The following TEN1 variants were observed in gnomAD, a reference collection of about 807,000 sequenced individuals.
TEN1 encodes CST complex subunit TEN1.
In TEN1, 6 loss-of-function variants were observed where a neutral mutation model predicts 9.3. The observed-to-expected ratio is 0.65, with a 90% CI of 0.35 to 1.27. The LOEUF (loss-of-function observed/expected upper bound fraction) is 1.27. TEN1 is among the 50% of genes most tolerant of loss of function. The probability of loss-of-function intolerance (pLI) is 0.03; values close to 1 mark genes in which losing one functional copy is unlikely to be tolerated. For missense variants in TEN1, 149 were observed against 158.2 expected, an observed-to-expected ratio of 0.94 and a Z score of 0.31; for synonymous variants, 65 against 65.6, an observed-to-expected ratio of 0.99 and a Z score of 0.04.
chr17:75,994,418 G>A lies in TEN1; in HGVS notation c.250+2795G>A, dbSNP rs548003094. On this transcript the variant is annotated intron_variant, in intron 3 of 3. Coordinates refer to ENST00000397640, the MANE Select transcript of TEN1 (RefSeq NM_001113324.3). ...CATTGCACTCCAGCCTGGGCAACAA[G>A]AGCAAAACTCCGTCTCAAAAAAAAA... Among the ~76,000 whole-genome samples the A allele has an allele frequency of 9.6e-5, 14 of 145,652 alleles. No individual in the cohort carries two copies. In the South Asian group the frequency reaches 2.4e-3, roughly 25 times the overall value.
rs533216417 is a variant in TEN1, at chr17:75,994,382, C to T, written c.250+2759C>T. On this transcript the variant is annotated intron_variant, in intron 3 of 3. Transcript: ENST00000397640. ...CCGGGAGGCGGAGGTTGCTGTGAGC[C>T]GAGATCGCACCATTGCACTCCAGCC... 1.5e-3 allele frequency among the ~76,000 whole-genome samples: 215 copies of T among 146,100 alleles called. 1 individual carries two copies. The highest frequency in any genetic ancestry group is 3.5e-3 in the Middle Eastern group (1 of 282).
In TEN1 at chr17:75,982,107, AATT is replaced by A. The variant is rs1220594304; in HGVS notation, c.-7+2599_-7+2601del. 5.3e-5 allele frequency among the ~76,000 whole-genome samples: 8 copies of A among 152,152 alleles called. No homozygotes were observed. The East Asian group carries it at 1.5e-3, about 29-fold the overall frequency. On this transcript the variant is annotated intron_variant, in intron 1 of 3. Coordinates refer to ENST00000397640, the MANE Select transcript of TEN1 (RefSeq NM_001113324.3). ...TTGGTGTAAAAACTGGCCAAAAAGA[AATT>A]ATCTGACCTAGCTTGTTTGACTGTA...
intron 1 of TEN1, among the ~76,000 whole-genome samples, chr17:75,985,836 CTTTTTTTTTT>C (rs1358134352): frequency 1.4e-5 from 2 of 145,576 alleles, no homozygotes; most frequent in Non-Finnish European, 3.0e-5. Flanking sequence ...GTTTTTTTTT[CTTTTTTTTTT>C]AATACATGAA....
In TEN1 at chr17:75,979,426, G is replaced by A. The variant is rs1053888110; in HGVS notation, c.-92G>A. On this transcript the variant is annotated 5_prime_UTR_variant, in exon 1 of 4. Transcript: ENST00000397640. ...GGCGTCCGGGGAGTGGGAAAATAAAGCACTTTTTGTATCCCGCCCCTCCCC... is the reference window on the plus strand; with the variant it reads ...GGCGTCCGGGGAGTGGGAAAATAAAACACTTTTTGTATCCCGCCCCTCCCC... The A allele has an allele frequency of 2.4e-6, 1 of 413,862 alleles. No individual in the cohort carries two copies. Among genetic ancestry groups the A allele is most frequent in the Non-Finnish European group, 4.5e-6 (1 of 220,612 alleles). 25.6% of individuals were successfully genotyped at this position (413,862 alleles called of 1,614,324 possible).
intron 2 of TEN1, among the ~76,000 whole-genome samples, chr17:75,988,835 A>G (rs980264095): frequency 3.3e-5 from 5 of 151,938 alleles, no homozygotes; most frequent in African/African-American, 1.2e-4. Context: ...CAGTGGTGCA[A>G]TCTCGGCTCA....
At chr17:75,988,566 A>C (rs2066166114) in intron 2 of TEN1, among the ~76,000 whole-genome samples, 2 of 139,014 alleles carry the variant, frequency 1.4e-5, no homozygotes, top group Admixed American at 6.9e-5. Context: ...TGCCTCAAAA[A>C]AAAAAAAAAA....
chr17:75,984,366 A>G (rs1006415472), intron 1 of TEN1, among the ~76,000 whole-genome samples: 39 of 152,110 alleles, frequency 2.6e-4, no homozygotes, highest in African/African-American at 9.4e-4. Flanking sequence ...AAATCTGTGC[A>G]CTGTCTCTTG....
At chr17:75,986,576 C>T (rs1416224250) in intron 2 of TEN1, among the ~76,000 whole-genome samples, 1 of 151,940 alleles carries the variant, frequency 6.6e-6, no homozygotes, top group Non-Finnish European at 1.5e-5. Context: ...TGGCGCATGC[C>T]TATAATCCCA....
At chr17:75,985,630 T>C (rs2066146866) in intron 1 of TEN1, among the ~76,000 whole-genome samples, 1 of 152,198 alleles carries the variant, frequency 6.6e-6, no homozygotes, top group Non-Finnish European at 1.5e-5. Flanking sequence ...GTTCAAGCTA[T>C]TCTCCTGCCT....
At chr17:75,999,988 T>G (rs1005064780) in intron 3 of TEN1, among the ~76,000 whole-genome samples, 153 bp from the exon 4 acceptor site, 1 of 152,094 alleles carries the variant, frequency 6.6e-6, no homozygotes, top group Non-Finnish European at 1.5e-5. Context: ...GCCCAAATAC[T>G]CAGTTGCCTT....
chr17:75,997,520 A>C (rs1397279184), intron 3 of TEN1, among the ~76,000 whole-genome samples: 1 of 151,862 alleles, frequency 6.6e-6, no homozygotes, highest in Non-Finnish European at 1.5e-5. Flanking sequence ...ACGGCCACCG[A>C]CCATCAGACA....
chr17:75,990,596 G>A (rs2066178853), intron 2 of TEN1, among the ~76,000 whole-genome samples: 1 of 151,278 alleles, frequency 6.6e-6, no homozygotes, highest in Non-Finnish European at 1.5e-5. Flanking sequence ...CACTTTGGGA[G>A]GCTGAGGCAG....
Position 75,997,787 on chromosome 17 carries a change from C to A in TEN1, c.251-2354C>A, listed in dbSNP as rs181608142. ...CGTATAACCCCTTCCTCTTCCCAGG[C>A]CTCACCCCACTGCATTCTGACTGCT... is the stretch of plus-strand genomic sequence containing the variant. On this transcript the variant is annotated intron_variant, in intron 3 of 3. Coordinates refer to ENST00000397640, the MANE Select transcript of TEN1 (RefSeq NM_001113324.3). Among the ~76,000 whole-genome samples the A allele has an allele frequency of 2.1e-3, 322 of 152,246 alleles. 1 individual carries two copies. Among genetic ancestry groups the A allele is most frequent in the African/African-American group, 7.2e-3 (300 of 41,556 alleles).
chr17:75,995,249 A>G (rs1473776758), intron 3 of TEN1, among the ~76,000 whole-genome samples: 1 of 151,054 alleles, frequency 6.6e-6, no homozygotes, highest in African/African-American at 2.4e-5. Context: ...AAAAAAGTCC[A>G]GGTGTGGTTG....
chr17:75,982,652 A>G (rs1336609684), intron 1 of TEN1, among the ~76,000 whole-genome samples: 1 of 152,198 alleles, frequency 6.6e-6, no homozygotes, highest in Non-Finnish European at 1.5e-5. Context: ...TGGCGCAACC[A>G]TAGTTCACTG....
At chr17:75,989,257 G>A (rs866460833) in intron 2 of TEN1, among the ~76,000 whole-genome samples, 14 of 148,584 alleles carry the variant, frequency 9.4e-5, no homozygotes, top group Admixed American at 2.7e-4. Context: ...CTGCCACCAC[G>A]CCCGGCTAAT....
Position 76,000,035 on chromosome 17 carries a change from C to G in TEN1, c.251-106C>G. ...CTGTTATTGTCCACATCACTTGCTG[C>G]CAAAACCCAGGACTGAGCTGTGGAG... is the stretch of plus-strand genomic sequence containing the variant. On this transcript the variant is annotated intron_variant, in intron 3 of 3. Coordinates refer to ENST00000397640, the MANE Select transcript of TEN1 (RefSeq NM_001113324.3). This position sits in a 1 kb window ranked among gnomAD's most constrained non-coding sequence, Gnocchi z 5.9. The G allele has an allele frequency of 2.7e-6, 4 of 1,464,752 alleles. No homozygotes were observed. Among genetic ancestry groups the G allele is most frequent in the Non-Finnish European group, 3.6e-6 (4 of 1,099,678 alleles). The allele number at this position is 1,464,752 out of a possible 1,614,324, so 90.7% of individuals were successfully genotyped here.
intron 2 of TEN1, 94 bp from the exon 3 acceptor site, chr17:75,991,372 A>G: frequency 7.4e-7 from 1 of 1,342,794 alleles, no homozygotes; most frequent in Non-Finnish European, 1.0e-6. Flanking sequence ...GAGGCTGAAC[A>G]CTTTTCTATA....
chr17:75,997,366 G>A (rs750598491), intron 3 of TEN1, among the ~76,000 whole-genome samples: 8 of 151,820 alleles, frequency 5.3e-5, no homozygotes, highest in South Asian at 2.1e-4. Context: ...CCTCCCCGGC[G>A]CCACCACAGC....
Sources: allele counts gnomAD v4.1 joint callset (sites outside exome capture counted in the v4.1 genomes callset), GRCh38; gene constraint gnomAD v4.1.1; non-coding constraint Gnocchi (gnomAD v3.1); transcripts MANE v1.5; gene names NCBI Gene and HGNC (gene_info 2026-07-23, HGNC 2026-07-21).